The following OSBPL3 variants were observed in gnomAD, a reference collection of about 807,000 sequenced individuals.
OSBPL3 encodes the protein oxysterol-binding protein-related protein 3.
Under a neutral mutation model 120.1 loss-of-function variants are expected in OSBPL3, and 65 were observed. The observed-to-expected ratio is 0.54, with a 90% CI of 0.44 to 0.67. OSBPL3 has a LOEUF of 0.67. Among genes scored for constraint, OSBPL3 ranks in the 30% least tolerant of loss-of-function variants. The probability of loss-of-function intolerance (pLI) is 0.00; values close to 1 mark genes in which losing one functional copy is unlikely to be tolerated. For synonymous variants in OSBPL3, 416 were observed against 402.6 expected (o/e 1.03, Z -0.40); for missense variants, 1,004 against 1,082.1 (o/e 0.93, Z 1.01).
intron 2 of OSBPL3, among the ~76,000 whole-genome samples, chr7:24,885,965 G>A (rs539420107): frequency 5.3e-5 from 8 of 152,288 alleles, no homozygotes; most frequent in African/African-American, 1.9e-4. Context: ...AAAAAGACAA[G>A]AGGAAATTGC....
rs569233161 is a variant in OSBPL3 at position 24,842,918 on chromosome 7, C to T, written c.1267-505G>A. Among the ~76,000 whole-genome samples, 5 of 152,346 alleles carry T rather than the reference C, an allele frequency of 3.3e-5. No individual in the cohort carries two copies. In the South Asian group the frequency reaches 1.0e-3, roughly 32 times the overall value. ...TACACAGTGTGTTTTGGTCCAGAAGCACCCTGGTGGCAGATCATTTACTAT... is the reference window on the plus strand; with the variant it reads ...TACACAGTGTGTTTTGGTCCAGAAGTACCCTGGTGGCAGATCATTTACTAT... On this transcript the variant is annotated intron_variant, in intron 12 of 22. Coordinates refer to ENST00000313367, the MANE Select transcript of OSBPL3 (RefSeq NM_015550.4).
chr7:24,870,056 A>G lies in OSBPL3; in HGVS notation c.381+676T>C, dbSNP rs140179888. 1.8e-4 allele frequency among the ~76,000 whole-genome samples: 28 copies of G among 152,362 alleles called. No homozygotes were observed. In the East Asian group the frequency reaches 4.0e-3, roughly 22 times the overall value. On this transcript the variant is annotated intron_variant, in intron 5 of 22. Transcript: ENST00000313367. ...AGTTTTCTACATGCAACCCGACAAG[A>G]TAAGTATTACAATAATTTTCATTTT...
intron 19 of OSBPL3, 35 bp from the exon 20 acceptor site, chr7:24,809,986 A>C (rs1430651347): frequency 6.2e-7 from 1 of 1,611,960 alleles, no homozygotes; most frequent in Non-Finnish European, 8.5e-7. Context: ...TTAGTCCTTT[A>C]GCATCAGCTT....
Position 24,799,956 on chromosome 7 carries a change from A to G in OSBPL3, c.*227T>C, listed in dbSNP as rs1281463814. On this transcript the variant is annotated 3_prime_UTR_variant, in exon 23 of 23. Transcript: ENST00000313367. The surrounding 1 kb of genome is among the most constrained non-coding windows in gnomAD (Gnocchi z 5.3). ...TTCATTTTTATTAAATAGTTTATAT[A>G]TAAAAAGAAATGTCAAGGTGTTCTA... 4 of 235,980 alleles carry G rather than the reference A, an allele frequency of 1.7e-5. No individual in the cohort carries two copies. Among genetic ancestry groups the G allele is most frequent in the Admixed American group, 5.4e-5 (1 of 18,524 alleles). 14.6% of individuals were successfully genotyped at this position (235,980 alleles called of 1,614,324 possible).
intron 1 of OSBPL3, among the ~76,000 whole-genome samples, chr7:24,958,689 C>T (rs1815364942): frequency 6.6e-6 from 1 of 152,192 alleles, no homozygotes. Flanking sequence ...TTATATTCTT[C>T]ATCTTAGCAT....
chr7:24,950,184 A>C (rs968041814), intron 1 of OSBPL3, among the ~76,000 whole-genome samples: 1 of 152,238 alleles, frequency 6.6e-6, no homozygotes, highest in African/African-American at 2.4e-5. Context: ...AATAAACATT[A>C]GTAATGCAAT....
chr7:24,859,792 G>C (rs11977734), intron 10 of OSBPL3, among the ~76,000 whole-genome samples: 10,726 of 152,214 alleles, frequency 0.07, 556 homozygotes, highest in South Asian at 0.17. Context: ...GCAAATACCT[G>C]ACGTGACAGT....
intron 12 of OSBPL3, among the ~76,000 whole-genome samples, chr7:24,847,500 T>C (rs754758883): frequency 2.0e-5 from 3 of 152,236 alleles, no homozygotes; most frequent in Non-Finnish European, 4.4e-5. Context: ...CTTTCAGGTA[T>C]GCTACTTTTA....
At chr7:24,884,357 C>T (rs1804158148) in intron 2 of OSBPL3, among the ~76,000 whole-genome samples, 1 of 152,206 alleles carries the variant, frequency 6.6e-6, no homozygotes, top group Non-Finnish European at 1.5e-5. Context: ...TATCTTTGGG[C>T]TGTATTTCCT....
intron 1 of OSBPL3, among the ~76,000 whole-genome samples, chr7:24,904,248 T>C (rs1232839680): frequency 1.3e-5 from 2 of 152,044 alleles, no homozygotes; most frequent in Non-Finnish European, 2.9e-5. Context: ...AGACAGTAGT[T>C]TTGGAGGGGA....
intron 1 of OSBPL3, among the ~76,000 whole-genome samples, chr7:24,935,371 A>C (rs765508398): frequency 6.6e-6 from 1 of 152,138 alleles, no homozygotes; most frequent in Non-Finnish European, 1.5e-5. Context: ...GAAACTCACC[A>C]ATTTTTACAT....
chr7:24,929,364 G>A (rs978459985), intron 1 of OSBPL3, among the ~76,000 whole-genome samples: 17 of 152,146 alleles, frequency 1.1e-4, no homozygotes, highest in Admixed American at 8.5e-4. Flanking sequence ...TGCTAACGCC[G>A]TAAAGACCAT....
At chr7:24,826,324 A>C (rs1217786862) in intron 16 of OSBPL3, among the ~76,000 whole-genome samples, 1 of 152,210 alleles carries the variant, frequency 6.6e-6, no homozygotes, top group African/African-American at 2.4e-5. Flanking sequence ...GTCAGAACCT[A>C]GGACAGGAAT....
At chr7:24,809,411 G>T (rs750111829) in intron 20 of OSBPL3, among the ~76,000 whole-genome samples, 2 of 152,150 alleles carry the variant, frequency 1.3e-5, no homozygotes, top group Non-Finnish European at 2.9e-5. Context: ...GTTAACATTT[G>T]TAGGTCTCCT....
chr7:24,858,341 A>G (rs976556893), intron 10 of OSBPL3, among the ~76,000 whole-genome samples: 3 of 152,252 alleles, frequency 2.0e-5, no homozygotes, highest in African/African-American at 7.2e-5. Context: ...AGATACTGTC[A>G]GTAACAAAAC....
rs1164006091 is a variant in OSBPL3, at chr7:24,900,011, G to C, written c.-149-7390C>G. On this transcript the variant is annotated intron_variant, in intron 1 of 22. Coordinates refer to ENST00000313367, the MANE Select transcript of OSBPL3 (RefSeq NM_015550.4). This position sits in a 1 kb window ranked among gnomAD's most constrained non-coding sequence, Gnocchi z 4.5. ...AGCCAATCCTTCTATTTGTGTATGT[G>C]TGACGTGGCAGAGGGTAGGAAGCTA... 5.3e-5 allele frequency among the ~76,000 whole-genome samples: 8 copies of C among 152,340 alleles called. No individual in the cohort carries two copies. The East Asian group carries it at 1.5e-3, about 29-fold the overall frequency.
chr7:24,827,204 T>C lies in OSBPL3; in HGVS notation c.1884+3564A>G, dbSNP rs1421855735. On this transcript the variant is annotated intron_variant, in intron 16 of 22. Coordinates refer to ENST00000313367, the MANE Select transcript of OSBPL3 (RefSeq NM_015550.4). The surrounding 1 kb of genome is among the most constrained non-coding windows in gnomAD (Gnocchi z 5.1). ...AAACAAACCTCTAAGCCATGAGAGC[T>C]TATCAATGACACATAATGGACAAGG... is the stretch of plus-strand genomic sequence containing the variant. Among the ~76,000 whole-genome samples, 1 of 152,226 alleles carries C rather than the reference T, an allele frequency of 6.6e-6. No homozygotes were observed. Among genetic ancestry groups the C allele is most frequent in the African/African-American group, 2.4e-5 (1 of 41,466 alleles).
chr7:24,818,479 A>C lies in OSBPL3; in HGVS notation c.1948+1696T>G, dbSNP rs997752948. Reference sequence around the variant, plus strand: ...GGAAAATGGAAGTATACTTCTGTAAATCTCACTATATGAAACTGGCATAAT... The same window carrying C: ...GGAAAATGGAAGTATACTTCTGTAACTCTCACTATATGAAACTGGCATAAT... On this transcript the variant is annotated intron_variant, in intron 17 of 22. Transcript: ENST00000313367. The surrounding 1 kb of genome is among the most constrained non-coding windows in gnomAD (Gnocchi z 4.0). Among the ~76,000 whole-genome samples the C allele has an allele frequency of 7.2e-5, 11 of 152,200 alleles. No individual in the cohort carries two copies. Among genetic ancestry groups the C allele is most frequent in the African/African-American group, 2.7e-4 (11 of 41,440 alleles).
chr7:24,927,223 G>C (rs1008292776), intron 1 of OSBPL3, among the ~76,000 whole-genome samples: 3 of 152,148 alleles, frequency 2.0e-5, no homozygotes, highest in Non-Finnish European at 4.4e-5. Context: ...AAGCCAGCAG[G>C]GGAATTGACA....
Sources: allele counts gnomAD v4.1 joint callset (sites outside exome capture counted in the v4.1 genomes callset), GRCh38; gene constraint gnomAD v4.1.1; non-coding constraint Gnocchi (gnomAD v3.1); transcripts MANE v1.5; gene names NCBI Gene and HGNC (gene_info 2026-07-23, HGNC 2026-07-21).